Variants in TENM2 observed in about 807,000 individuals in gnomAD.
TENM2 encodes teneurin transmembrane protein 2.
A neutral mutation model predicts 245.2 loss-of-function variants in TENM2; 52 were observed. That is an observed-to-expected ratio of 0.21 (90% CI 0.17 to 0.27). TENM2 has a LOEUF of 0.27. TENM2 is among the 10% of genes least tolerant of loss of function. The pLI, the probability that TENM2 is intolerant of heterozygous loss-of-function variation, is 1.00. For synonymous variants in TENM2, 1,363 were observed against 1,438.9 expected (o/e 0.95, Z 1.19); for missense variants, 3,046 against 3,666.8 (o/e 0.83, Z 4.37).
intron 2 of TENM2, among the ~76,000 whole-genome samples, chr5:167,605,558 A>G (rs939255146): frequency 6.6e-5 from 10 of 152,206 alleles, no homozygotes; most frequent in African/African-American, 2.2e-4. Flanking sequence ...GGCCACTTGC[A>G]TGCAAACTGG....
intron 2 of TENM2, among the ~76,000 whole-genome samples, chr5:167,436,590 A>G (rs1764567458): frequency 6.6e-6 from 1 of 152,216 alleles, no homozygotes. Flanking sequence ...TCTCCAAGGC[A>G]ACGGGGAAAG....
At chr5:167,910,040 C>G (rs1776427131) in intron 3 of TENM2, among the ~76,000 whole-genome samples, 1 of 151,720 alleles carries the variant, frequency 6.6e-6, no homozygotes, top group South Asian at 2.1e-4. Flanking sequence ...CTTAGGACTT[C>G]CACAAAATGA....
At chr5:167,122,148 A>G in the TENM2 span, among the ~76,000 whole-genome samples, 3 of 152,214 alleles carry the variant, frequency 2.0e-5, no homozygotes, top group African/African-American at 7.2e-5. Flanking sequence ...ATAAATGCAC[A>G]GTTGAAATCT....
At chr5:167,417,676 A>G (rs1029988425) in intron 2 of TENM2, among the ~76,000 whole-genome samples, 16 of 152,054 alleles carry the variant, frequency 1.1e-4, no homozygotes, top group African/African-American at 3.9e-4. Flanking sequence ...TTCCCTTTTT[A>G]TAGTCAAAGA....
intron 21 of TENM2, among the ~76,000 whole-genome samples, chr5:168,216,105 T>C (rs982916812): frequency 6.6e-6 from 1 of 152,234 alleles, no homozygotes; most frequent in Non-Finnish European, 1.5e-5. Flanking sequence ...TTTTAGCTAC[T>C]GTGAAAGCAG....
chr5:167,490,344 T>G (rs895890887), intron 2 of TENM2, among the ~76,000 whole-genome samples: 1 of 152,194 alleles, frequency 6.6e-6, no homozygotes, highest in Non-Finnish European at 1.5e-5. Flanking sequence ...TAACATCTTA[T>G]ATAATCTTTG....
intron 2 of TENM2, among the ~76,000 whole-genome samples, chr5:167,727,314 G>A (rs372709169): frequency 2.2e-4 from 33 of 151,940 alleles, no homozygotes; most frequent in South Asian, 1.0e-3. Flanking sequence ...GGGTTTCACC[G>A]TGTTAGCCAG....
chr5:167,347,925 G>T (rs1758568358), intron 1 of TENM2, among the ~76,000 whole-genome samples: 1 of 152,152 alleles, frequency 6.6e-6, no homozygotes, highest in African/African-American at 2.4e-5. Context: ...GAAACACAGA[G>T]CATTACCCAA....
intron 12 of TENM2, among the ~76,000 whole-genome samples, chr5:168,158,170 A>C (rs957984082): frequency 5.3e-5 from 8 of 152,050 alleles, no homozygotes; most frequent in Admixed American, 5.2e-4. Flanking sequence ...TGATCCACCC[A>C]CCTCGGCATC....
chr5:168,205,510 G>C (rs1048029649), intron 19 of TENM2, among the ~76,000 whole-genome samples: 1 of 152,184 alleles, frequency 6.6e-6, no homozygotes, highest in African/African-American at 2.4e-5. Flanking sequence ...GGATGAGGAG[G>C]CTACGTAAGG....
At chr5:167,159,299 T>C in the TENM2 span, among the ~76,000 whole-genome samples, 1 of 152,108 alleles carries the variant, frequency 6.6e-6, no homozygotes, top group African/African-American at 2.4e-5. Context: ...TTCTTTTATT[T>C]CCATGCAATT....
Position 168,059,871 on chromosome 5 carries a change from C to T in TENM2, c.1310-2189C>T, listed in dbSNP as rs186588623. Reference sequence around the variant, plus strand: ...GCCAGAAATTATTCTAAGAGCTTTACACAGCCTAACCTCAGTAAAACCTTA... The same window carrying T: ...GCCAGAAATTATTCTAAGAGCTTTATACAGCCTAACCTCAGTAAAACCTTA... On this transcript the variant is annotated intron_variant, in intron 6 of 28. Transcript: ENST00000518659. Among the ~76,000 whole-genome samples the T allele has an allele frequency of 2.2e-3, 332 of 152,282 alleles. 1 individual carries two copies. The highest frequency in any genetic ancestry group is 7.5e-3 in the African/African-American group (312 of 41,554).
chr5:167,807,845 A>T (rs912517882), intron 2 of TENM2, among the ~76,000 whole-genome samples: 3 of 152,134 alleles, frequency 2.0e-5, no homozygotes, highest in Non-Finnish European at 2.9e-5. Flanking sequence ...GGAACTTTTA[A>T]AATCCTGATG....
chr5:167,349,680 G>A lies in TENM2; in HGVS notation c.227-25518G>A, dbSNP rs531004273. ...CACACAGAATATGCAGTATATGTGT[G>A]TGTATATGTAAATATATGTATATAG... On this transcript the variant is annotated intron_variant, in intron 1 of 28. Coordinates refer to ENST00000518659, the Ensembl canonical transcript of TENM2. 8.3e-4 allele frequency among the ~76,000 whole-genome samples: 127 copies of A among 152,186 alleles called. 1 individual carries two copies. The South Asian group carries it at 0.025, about 29-fold the overall frequency.
intron 13 of TENM2, 51 bp downstream of exon 15, chr5:168,162,808 T>A: frequency 1.3e-6 from 2 of 1,590,418 alleles, no homozygotes; most frequent in Non-Finnish European, 1.7e-6. Context: ...GCGTTGTCCA[T>A]GCTTTTGTCA....
intron 2 of TENM2, among the ~76,000 whole-genome samples, chr5:167,460,437 G>C (rs1292609940): frequency 6.6e-6 from 1 of 152,070 alleles, no homozygotes; most frequent in Non-Finnish European, 1.5e-5. Flanking sequence ...ATTGAGATGG[G>C]GATTCAGCTT....
the TENM2 span, among the ~76,000 whole-genome samples, chr5:167,011,337 T>G: frequency 6.6e-6 from 1 of 152,208 alleles, no homozygotes; most frequent in Non-Finnish European, 1.5e-5. Context: ...AAAGACTGTA[T>G]CACACAAAGA....
intron 3 of TENM2, among the ~76,000 whole-genome samples, chr5:167,918,934 A>G (rs892519815): frequency 2.0e-5 from 3 of 152,152 alleles, no homozygotes; most frequent in African/African-American, 7.2e-5. Context: ...GAGTTAATTC[A>G]TAATTGGGTT....
At chr5:167,912,078 T>A (rs1776598639) in intron 3 of TENM2, among the ~76,000 whole-genome samples, 1 of 152,232 alleles carries the variant, frequency 6.6e-6, no homozygotes, top group African/African-American at 2.4e-5. Context: ...ATAATCACCA[T>A]GTTGTACAAT....
Sources: gnomAD v4.1 joint callset for allele counts (sites outside exome capture counted in the v4.1 genomes callset) on GRCh38, gnomAD v4.1.1 for gene constraint, MANE v1.5 for transcripts, NCBI Gene and HGNC (gene_info 2026-07-23, HGNC 2026-07-21) for gene names.